The following PHF20 variants were observed in gnomAD, a reference collection of about 807,000 sequenced individuals.
PHF20 encodes glioma-expressed antigen 2.
A neutral mutation model predicts 113.5 loss-of-function variants in PHF20; 23 were observed. The observed-to-expected ratio is 0.20, with a 90% CI of 0.15 to 0.29. The LOEUF (loss-of-function observed/expected upper bound fraction) is 0.29, where lower values mean the gene tolerates loss of function less well. PHF20 is among the 10% of genes least tolerant of loss of function. The probability of loss-of-function intolerance (pLI) is 1.00; values close to 1 mark genes in which losing one functional copy is unlikely to be tolerated. For synonymous variants in PHF20, 434 were observed against 457.3 expected, an observed-to-expected ratio of 0.95 and a Z score of 0.65; for missense variants, 943 against 1,219.6, an observed-to-expected ratio of 0.77 and a Z score of 3.38.
chr20:35,877,401 G>A (rs1319120384), intron 9 of PHF20, among the ~76,000 whole-genome samples: 3 of 147,492 alleles, frequency 2.0e-5, no homozygotes, highest in African/African-American at 7.4e-5. Flanking sequence ...CCTAGTAAGT[G>A]CCAATGCCAG....
intron 6 of PHF20, among the ~76,000 whole-genome samples, chr20:35,864,968 T>G (rs2146976734): frequency 6.6e-6 from 1 of 152,182 alleles, no homozygotes; most frequent in South Asian, 2.1e-4. Context: ...GGTGGATTAC[T>G]TGAGGTTAGG....
chr20:35,792,375 G>C (rs934988106), intron 1 of PHF20, among the ~76,000 whole-genome samples: 1 of 151,994 alleles, frequency 6.6e-6, no homozygotes. Flanking sequence ...TTTTAGTAGA[G>C]ACGGGGTTTC....
intron 2 of PHF20, among the ~76,000 whole-genome samples, chr20:35,817,087 G>T (rs893210473): frequency 2.0e-5 from 3 of 150,034 alleles, no homozygotes; most frequent in Non-Finnish European, 4.4e-5. Context: ...ACTGCGCCTG[G>T]CCATAAGTGT....
At chr20:35,878,099 G>T (rs113604474) in intron 9 of PHF20, among the ~76,000 whole-genome samples, 5 of 152,168 alleles carry the variant, frequency 3.3e-5, no homozygotes, top group Admixed American at 6.5e-5. Context: ...GAGCAGGAGA[G>T]TCATAGATCT....
chr20:35,825,388 G>A (rs1163814235), intron 2 of PHF20, among the ~76,000 whole-genome samples: 6 of 152,088 alleles, frequency 3.9e-5, no homozygotes, highest in Non-Finnish European at 7.3e-5. Context: ...GGAGGGCTTA[G>A]GTTTGAGGAA....
chr20:35,874,489 C>CT (rs1037925520), intron 9 of PHF20, among the ~76,000 whole-genome samples: 41 of 145,724 alleles, frequency 2.8e-4, no homozygotes, highest in Non-Finnish European at 3.5e-4. Flanking sequence ...TAAAACTTGA[C>CT]TTTTTTTTTT....
At chr20:35,823,231 C>T (rs2042201496) in intron 2 of PHF20, among the ~76,000 whole-genome samples, 1 of 151,934 alleles carries the variant, frequency 6.6e-6, no homozygotes, top group African/African-American at 2.4e-5. Context: ...AGATGCTCAA[C>T]CCATAGTAAA....
At chr20:35,776,074 G>T (rs1370374576) in intron 1 of PHF20, among the ~76,000 whole-genome samples, 1 of 152,220 alleles carries the variant, frequency 6.6e-6, no homozygotes, top group African/African-American at 2.4e-5. Flanking sequence ...TTCCCAAAGT[G>T]TTGGGATTAT....
intron 2 of PHF20, among the ~76,000 whole-genome samples, chr20:35,833,224 T>C (rs1041854643): frequency 1.3e-5 from 2 of 152,204 alleles, no homozygotes; most frequent in African/African-American, 4.8e-5. Context: ...TTGGCTATAC[T>C]GGTCTTCTGT....
intron 12 of PHF20, 55 bp from the exon 13 acceptor site, chr20:35,917,429 G>A (rs1255391343): frequency 2.1e-6 from 3 of 1,445,176 alleles, no homozygotes; most frequent in Non-Finnish European, 2.9e-6. Flanking sequence ...GACAATCAAA[G>A]GTTTTTTAAT....
intron 2 of PHF20, among the ~76,000 whole-genome samples, chr20:35,824,945 A>G (rs757886042): frequency 6.6e-6 from 1 of 152,196 alleles, no homozygotes; most frequent in Non-Finnish European, 1.5e-5. Context: ...GAATAATTCC[A>G]TTATATGAGT....
chr20:35,839,747 G>GCAATTAGGAAT (rs2042508659), intron 2 of PHF20, among the ~76,000 whole-genome samples: 1 of 152,142 alleles, frequency 6.6e-6, no homozygotes, highest in Non-Finnish European at 1.5e-5. Context: ...ATGCATAGTA[G>GCAATTAGGAAT]CAATTAGGAA....
chr20:35,880,688 C>T lies in PHF20; in HGVS notation c.1282+8859C>T, dbSNP rs550395034. 9.9e-5 allele frequency among the ~76,000 whole-genome samples: 15 copies of T among 152,170 alleles called. No homozygotes were observed. The South Asian group carries it at 1.2e-3, about 13-fold the overall frequency. On this transcript the variant is annotated intron_variant, in intron 9 of 17. Transcript: ENST00000374012. The stretch of plus-strand genomic sequence containing the variant: ...TAAAGTACTTTTTCTAGATGGGATG[C>T]GGTGGCTCATGCCTGTAATTCCAGC...
intron 1 of PHF20, among the ~76,000 whole-genome samples, chr20:35,780,115 G>A (rs1167759832): frequency 2.0e-5 from 3 of 151,734 alleles, no homozygotes; most frequent in East Asian, 1.9e-4. Context: ...TCTAGCTAAC[G>A]TGCTTTTTCC....
At chr20:35,845,405 GC>G in intron 3 of PHF20, 1 of 386,172 alleles carries the variant, frequency 2.6e-6, no homozygotes, top group Non-Finnish European at 5.4e-6. Flanking sequence ...TTGCTCTGTC[GC>G]CCAGTCTGAA....
At chr20:35,779,686 A>AT (rs567889505) in intron 1 of PHF20, among the ~76,000 whole-genome samples, 2,633 of 151,872 alleles carry the variant, frequency 0.017, 33 homozygotes, top group Non-Finnish European at 0.023. Context: ...TGCCTGGGTA[A>AT]TTTTTTGTAT....
intron 3 of PHF20, among the ~76,000 whole-genome samples, chr20:35,845,076 A>C (rs977492960): frequency 6.6e-6 from 1 of 151,820 alleles, no homozygotes; most frequent in African/African-American, 2.4e-5. Flanking sequence ...CCACTGATCT[A>C]TCTATTTTCT....
chr20:35,836,987 T>C (rs2042453751), intron 2 of PHF20, among the ~76,000 whole-genome samples: 1 of 151,842 alleles, frequency 6.6e-6, no homozygotes, highest in Non-Finnish European at 1.5e-5. Flanking sequence ...CTGAGCAACA[T>C]GGCAAAACCC....
chr20:35,880,398 TG>T (rs953378088), intron 9 of PHF20, among the ~76,000 whole-genome samples: 8 of 152,182 alleles, frequency 5.3e-5, no homozygotes, highest in Admixed American at 3.9e-4. Context: ...AAACTGAGGT[TG>T]GTTGCTTTGA....
Sources: allele counts gnomAD v4.1 joint callset (sites outside exome capture counted in the v4.1 genomes callset), GRCh38; gene constraint gnomAD v4.1.1; transcripts MANE v1.5; gene names NCBI Gene and HGNC (gene_info 2026-07-23, HGNC 2026-07-21).